ACOXL: variants seen among roughly 807,000 people sequenced by gnomAD.
The protein encoded by ACOXL is acyl-CoA oxidase like.
A neutral mutation model predicts 71.9 loss-of-function variants in ACOXL; 70 were observed. The observed-to-expected ratio is 0.97, with a 90% CI of 0.80 to 1.19. ACOXL has a LOEUF of 1.19. Among genes scored for constraint, ACOXL ranks in the 50% most tolerant of loss-of-function variants. The pLI is 0.00. For synonymous variants in ACOXL, 253 were observed against 281.6 expected (o/e 0.90, Z 1.02); for missense variants, 703 against 736.3 (o/e 0.95, Z 0.52).
At chr2:110,756,593 G>A (rs1236636186) in intron 1 of ACOXL, among the ~76,000 whole-genome samples, 1 of 152,036 alleles carries the variant, frequency 6.6e-6, no homozygotes, top group Non-Finnish European at 1.5e-5. Flanking sequence ...TTTTCTTCAT[G>A]TCAATTGTTG....
chr2:110,927,189 C>T (rs964033290), intron 11 of ACOXL, among the ~76,000 whole-genome samples: 1 of 152,160 alleles, frequency 6.6e-6, no homozygotes, highest in African/African-American at 2.4e-5. Flanking sequence ...AACCAGATAT[C>T]ATGAGAACTC....
rs557703317 is a variant in ACOXL at position 110,943,232 on chromosome 2, G to A, written c.1059+9590G>A. 4.5e-5 allele frequency among the ~76,000 whole-genome samples: 6 copies of A among 134,702 alleles called. No homozygotes were observed. The South Asian group carries it at 1.5e-3, about 33-fold the overall frequency. The allele number at this position is 134,702 out of a possible 152,430, so 88.4% of individuals were successfully genotyped here. On this transcript the variant is annotated intron_variant, in intron 12 of 17. Transcript: ENST00000439055. Reference sequence around the variant, plus strand: ...AAGGAAGAAGGAAGGAAAGAAGGAAGCAAGAAAGAGAAAGAAAAAGAAAAG... The same window carrying A: ...AAGGAAGAAGGAAGGAAAGAAGGAAACAAGAAAGAGAAAGAAAAAGAAAAG...
At chr2:111,080,903 A>G (rs968542758) in intron 16 of ACOXL, among the ~76,000 whole-genome samples, 1 of 152,246 alleles carries the variant, frequency 6.6e-6, no homozygotes, top group African/African-American at 2.4e-5. Flanking sequence ...TCACATAAAC[A>G]GAACGAATGA....
chr2:111,116,997 G>A (rs1480788116), intron 17 of ACOXL, among the ~76,000 whole-genome samples: 1 of 152,228 alleles, frequency 6.6e-6, no homozygotes, highest in Non-Finnish European at 1.5e-5. Context: ...GGCGTTAACA[G>A]CAGATGGATT....
At chr2:111,068,736 T>C (rs576009907) in intron 16 of ACOXL, among the ~76,000 whole-genome samples, 5 of 152,340 alleles carry the variant, frequency 3.3e-5, no homozygotes, top group Admixed American at 2.0e-4. Context: ...CTATAAATCC[T>C]TGAAGCCTCT....
At position 110,777,075 on chromosome 2, in the gene ACOXL, C is replaced by T. The variant is rs531223941; in HGVS notation, c.76-7657C>T. On this transcript the variant is annotated intron_variant, in intron 2 of 17. Coordinates refer to ENST00000439055, the MANE Select transcript of ACOXL (RefSeq NM_001142807.4). ...AACTCAACTAGAAGGATAGGGTCAC[C>T]GTATACTGGGTGGGAAGCCTAGAAG... Among the ~76,000 whole-genome samples the T allele has an allele frequency of 1.2e-4, 19 of 152,130 alleles. 1 individual carries two copies. The highest frequency in any genetic ancestry group is 3.4e-3 in the Middle Eastern group (1 of 294).
chr2:110,956,676 G>T (rs1473996272), intron 12 of ACOXL, among the ~76,000 whole-genome samples: 2 of 152,122 alleles, frequency 1.3e-5, no homozygotes, highest in African/African-American at 2.4e-5. Context: ...TTTTTAACTG[G>T]CCTCCTCTAA....
chr2:110,815,001 C>T (rs926899029), intron 9 of ACOXL, among the ~76,000 whole-genome samples: 14 of 152,098 alleles, frequency 9.2e-5, no homozygotes, highest in African/African-American at 2.7e-4. Context: ...AAGACATACC[C>T]GAGACTGGGT....
At chr2:111,057,095 A>G (rs758227080) in intron 16 of ACOXL, among the ~76,000 whole-genome samples, 3 of 152,076 alleles carry the variant, frequency 2.0e-5, no homozygotes, top group Non-Finnish European at 4.4e-5. Flanking sequence ...TGGGCACTCA[A>G]CTCAACCTGG....
chr2:111,002,121 C>T (rs2063662591), intron 14 of ACOXL, among the ~76,000 whole-genome samples: 2 of 152,178 alleles, frequency 1.3e-5, no homozygotes, highest in Admixed American at 1.3e-4. Context: ...TTTCCTGTAG[C>T]CCTAACCAAA....
intron 17 of ACOXL, among the ~76,000 whole-genome samples, chr2:111,096,573 A>G (rs2068815333): frequency 6.6e-6 from 1 of 152,094 alleles, no homozygotes; most frequent in Non-Finnish European, 1.5e-5. Flanking sequence ...TGTTCCCCAA[A>G]GATATATTCA....
At chr2:111,050,743 C>T (rs1175577451) in intron 16 of ACOXL, among the ~76,000 whole-genome samples, 1 of 152,160 alleles carries the variant, frequency 6.6e-6, no homozygotes, top group Non-Finnish European at 1.5e-5. Flanking sequence ...GAGCCCAGCC[C>T]CAGAGACCAC....
chr2:110,904,726 T>A (rs1414567207), intron 10 of ACOXL, among the ~76,000 whole-genome samples: 3 of 152,046 alleles, frequency 2.0e-5, no homozygotes, highest in Non-Finnish European at 4.4e-5. Flanking sequence ...AGGGAAAATG[T>A]GGGCAAGAGC....
chr2:110,769,529 C>G (rs997864949), intron 2 of ACOXL, among the ~76,000 whole-genome samples: 1 of 151,766 alleles, frequency 6.6e-6, no homozygotes, highest in African/African-American at 2.4e-5. Context: ...TGGCTCATGC[C>G]TGTAATCCTA....
At chr2:111,090,216 G>C (rs1401247357) in intron 16 of ACOXL, among the ~76,000 whole-genome samples, 1 of 152,094 alleles carries the variant, frequency 6.6e-6, no homozygotes, top group African/African-American at 2.4e-5. Context: ...AGATGAGCAG[G>C]ACAAGATCCC....
At chr2:110,962,384 A>G (rs114472513) in intron 12 of ACOXL, among the ~76,000 whole-genome samples, 2,460 of 152,346 alleles carry the variant, frequency 0.016, 80 homozygotes, top group African/African-American at 0.055. Flanking sequence ...CTGGTTGGAA[A>G]TGTTACTGAT....
At chr2:110,736,437 C>A (rs1303241438) in intron 1 of ACOXL, among the ~76,000 whole-genome samples, 8 of 152,108 alleles carry the variant, frequency 5.3e-5, no homozygotes, top group African/African-American at 1.9e-4. Flanking sequence ...TGTCTCTCAG[C>A]ATCTGACTAT....
chr2:110,952,027 G>A (rs1305465081), intron 12 of ACOXL, among the ~76,000 whole-genome samples: 4 of 152,114 alleles, frequency 2.6e-5, no homozygotes, highest in African/African-American at 4.8e-5. Flanking sequence ...TTATTTTTCT[G>A]TTCTCTGGAA....
At chr2:110,974,039 G>A (rs935558071) in intron 12 of ACOXL, among the ~76,000 whole-genome samples, 2 of 152,176 alleles carry the variant, frequency 1.3e-5, no homozygotes, top group Non-Finnish European at 2.9e-5. Context: ...CTGCTGCTGG[G>A]CATCCAGGGG....
Sources: allele counts gnomAD v4.1 joint callset (sites outside exome capture counted in the v4.1 genomes callset), GRCh38; gene constraint gnomAD v4.1.1; transcripts MANE v1.5; gene names NCBI Gene and HGNC (gene_info 2026-07-23, HGNC 2026-07-21).